SLC35D1: variants seen among roughly 807,000 people sequenced by gnomAD.
SLC35D1 encodes the protein nucleotide sugar transporter SLC35D1.
In SLC35D1, 31 loss-of-function variants were observed where a neutral mutation model predicts 46.7. The ratio of observed to expected loss-of-function variants is 0.66; its 90% CI spans 0.50 to 0.90. The LOEUF (loss-of-function observed/expected upper bound fraction) is 0.90, where lower values mean the gene tolerates loss of function less well. Among genes scored for constraint, SLC35D1 ranks in the 40% least tolerant of loss-of-function variants. The pLI is 0.00. For synonymous variants in SLC35D1, 195 were observed against 164.6 expected (o/e 1.18, Z -1.41); for missense variants, 397 against 426.2 (o/e 0.93, Z 0.60).
chr1:67,006,896 C>A (rs1466569096), intron 11 of SLC35D1, among the ~76,000 whole-genome samples: 1 of 152,160 alleles, frequency 6.6e-6, no homozygotes, highest in African/African-American at 2.4e-5. Flanking sequence ...TGTTATCATT[C>A]AAAAATTCCA....
At chr1:67,023,916 T>G (rs1265719907) in intron 8 of SLC35D1, among the ~76,000 whole-genome samples, 1 of 151,982 alleles carries the variant, frequency 6.6e-6, no homozygotes, top group Non-Finnish European at 1.5e-5. Flanking sequence ...ATACAAATAT[T>G]TTTTCCCAGT....
intron 8 of SLC35D1, among the ~76,000 whole-genome samples, chr1:67,030,286 T>C (rs1667991816): frequency 1.3e-5 from 2 of 152,158 alleles, no homozygotes; most frequent in African/African-American, 4.8e-5. Flanking sequence ...TTACCCAAGC[T>C]AAAACACATA....
chr1:66,994,660 GA>G (rs1156364254), downstream of SLC35D1, among the ~76,000 whole-genome samples: 40 of 144,568 alleles, frequency 2.8e-4, no homozygotes, highest in Non-Finnish European at 5.6e-4. Context: ...AAAAAAAAAA[GA>G]AAAAAAATCC....
chr1:66,975,517 C>A, the SLC35D1 span, among the ~76,000 whole-genome samples: 20 of 148,788 alleles, frequency 1.3e-4, no homozygotes, highest in African/African-American at 4.9e-4. Flanking sequence ...CAGAGCATGA[C>A]ACTATCTCAA....
chr1:67,053,689 C>T (rs1177368365), intron 1 of SLC35D1, 122 bp downstream of exon 1: 4 of 1,017,416 alleles, frequency 3.9e-6, no homozygotes, highest in Non-Finnish European at 5.2e-6. Flanking sequence ...CCGCCCTCCC[C>T]AGCTCCCGCC....
intron 8 of SLC35D1, among the ~76,000 whole-genome samples, chr1:67,035,637 T>C (rs1293915782): frequency 1.3e-5 from 2 of 152,022 alleles, no homozygotes; most frequent in Non-Finnish European, 2.9e-5. Context: ...GAAAACCAAC[T>C]TTTTGTTTCA....
intron 11 of SLC35D1, 146 bp downstream of exon 11, chr1:67,008,939 G>T: frequency 2.1e-6 from 1 of 486,746 alleles, no homozygotes; most frequent in South Asian, 2.3e-5. Flanking sequence ...ATTATGTAGA[G>T]ACATTAAATA....
chr1:67,040,813 A>G (rs1325508424), intron 8 of SLC35D1, among the ~76,000 whole-genome samples: 1 of 152,224 alleles, frequency 6.6e-6, no homozygotes, highest in Non-Finnish European at 1.5e-5. Context: ...GAAACTTTAT[A>G]TATTCCCTAA....
intron 8 of SLC35D1, among the ~76,000 whole-genome samples, chr1:67,034,949 G>C (rs1224711894): frequency 6.6e-6 from 1 of 152,096 alleles, no homozygotes. Context: ...CCTTCATTCT[G>C]TTGATATGAT....
the SLC35D1 span, among the ~76,000 whole-genome samples, chr1:66,988,938 G>A: frequency 1.3e-5 from 2 of 152,174 alleles, no homozygotes; most frequent in African/African-American, 2.4e-5. Flanking sequence ...TGAGTACAGA[G>A]ACAGCAAAAA....
At position 67,002,586 on chromosome 1, in the gene SLC35D1, G is replaced by A. The variant is rs1293208564; in HGVS notation, c.*1754C>T. The A allele has an allele frequency of 6.6e-6, 1 of 152,248 alleles. No individual in the cohort carries two copies. The highest frequency in any genetic ancestry group is 2.4e-5 in the African/African-American group (1 of 41,400). The allele number at this position is 152,248 out of a possible 1,614,324, so 9.4% of individuals were successfully genotyped here. On this transcript the variant is annotated 3_prime_UTR_variant, in exon 12 of 12. Coordinates refer to ENST00000235345, the MANE Select transcript of SLC35D1 (RefSeq NM_015139.3). ...GTCAGAAGATGCTAGAAAAAAGTGA[G>A]TCTAAGGCTCTTAATGAAGCTTGTA...
chr1:66,985,913 T>A, the SLC35D1 span: 27 of 981,478 alleles, frequency 2.8e-5, no homozygotes, highest in South Asian at 1.2e-3. Context: ...TTGTTTTGCA[T>A]TTGCTATAAT....
the SLC35D1 span, chr1:66,985,795 A>G: frequency 2.3e-6 from 2 of 888,646 alleles, no homozygotes; most frequent in African/African-American, 1.9e-5. Context: ...TGGTTAAAGC[A>G]TTCATAAAGG....
intron 10 of SLC35D1, among the ~76,000 whole-genome samples, chr1:67,018,824 T>C (rs1269471267): frequency 6.6e-6 from 1 of 152,230 alleles, no homozygotes; most frequent in Non-Finnish European, 1.5e-5. Context: ...GAAGCTGCAC[T>C]GTATCCTGTG....
chr1:66,973,049 T>C, the SLC35D1 span: 1 of 874,898 alleles, frequency 1.1e-6, no homozygotes, highest in Non-Finnish European at 1.9e-6. Flanking sequence ...ACTCAAATGG[T>C]CATGTATCGT....
At chr1:67,052,517 A>G (rs1645320287) in intron 3 of SLC35D1, among the ~76,000 whole-genome samples, 1 of 152,208 alleles carries the variant, frequency 6.6e-6, no homozygotes, top group African/African-American at 2.4e-5. Flanking sequence ...AAACTGCAAA[A>G]CTATTGTACT....
the SLC35D1 span, chr1:66,986,138 T>A: frequency 1.3e-5 from 15 of 1,148,592 alleles, no homozygotes; most frequent in Non-Finnish European, 1.6e-5. Flanking sequence ...GAAGAGAAAG[T>A]GAAGTTTGAA....
At chr1:67,043,060 T>G (rs1645211849) in intron 7 of SLC35D1, among the ~76,000 whole-genome samples, 2 of 152,100 alleles carry the variant, frequency 1.3e-5, no homozygotes, top group African/African-American at 2.4e-5. Context: ...CCGGGCATGA[T>G]GGTGGGTGCC....
chr1:67,030,779 T>G (rs182543724), intron 8 of SLC35D1, among the ~76,000 whole-genome samples: 25 of 152,286 alleles, frequency 1.6e-4, no homozygotes, highest in African/African-American at 6.0e-4. Flanking sequence ...TGAGGCACAA[T>G]GCTAAAGATG....
Sources: allele counts gnomAD v4.1 joint callset (sites outside exome capture counted in the v4.1 genomes callset), GRCh38; gene constraint gnomAD v4.1.1; transcripts MANE v1.5; gene names NCBI Gene and HGNC (gene_info 2026-07-23, HGNC 2026-07-21).